Variants in THRB observed in about 807,000 individuals in gnomAD.
THRB encodes the protein thyroid hormone receptor beta.
THRB carries 12 observed loss-of-function variants against 47.8 expected under a neutral mutation model. The ratio of observed to expected loss-of-function variants is 0.25; its 90% CI spans 0.16 to 0.41. The LOEUF is 0.41. THRB is among the 10% of genes least tolerant of loss of function. The pLI is 1.00. For missense variants in THRB, 348 were observed against 589.2 expected, an observed-to-expected ratio of 0.59 and a Z score of 4.24; for synonymous variants, 218 against 212.2, an observed-to-expected ratio of 1.03 and a Z score of -0.24.
intron 1 of THRB, 75 bp downstream of exon 1, chr3:24,494,577 G>C (rs1043974982): frequency 1.3e-5 from 2 of 151,484 alleles, no homozygotes; most frequent in African/African-American, 4.9e-5. Context: ...GCACCCCTCC[G>C]GGTTCTTGCG....
chr3:24,166,871 A>C (rs1279640860), intron 5 of THRB, among the ~76,000 whole-genome samples: 2 of 152,112 alleles, frequency 1.3e-5, no homozygotes, highest in Non-Finnish European at 2.9e-5. Context: ...CATCAATTGC[A>C]ACGTGGAATT....
At chr3:24,276,903 T>G (rs2053974501) in intron 3 of THRB, among the ~76,000 whole-genome samples, 1 of 152,278 alleles carries the variant, frequency 6.6e-6, no homozygotes, top group South Asian at 2.1e-4. Flanking sequence ...ATATTTACTC[T>G]TGTCTTTTAT....
At chr3:24,333,022 T>G (rs1012449299) in intron 2 of THRB, among the ~76,000 whole-genome samples, 11 of 152,122 alleles carry the variant, frequency 7.2e-5, no homozygotes, top group African/African-American at 2.4e-4. Context: ...AGGCGGAGTT[T>G]GCAGTGAGCG....
At chr3:24,228,688 G>T (rs894486350) in intron 4 of THRB, among the ~76,000 whole-genome samples, 6 of 151,462 alleles carry the variant, frequency 4.0e-5, no homozygotes, top group Non-Finnish European at 5.9e-5. Context: ...AACTTAGTGT[G>T]CAATGGCTAA....
intron 1 of THRB, among the ~76,000 whole-genome samples, chr3:24,440,045 A>G (rs2071379943): frequency 6.6e-6 from 1 of 152,226 alleles, no homozygotes; most frequent in African/African-American, 2.4e-5. Context: ...ACTCTACTAT[A>G]TGATCCATTA....
At chr3:24,328,099 G>A (rs1247636030) in intron 2 of THRB, among the ~76,000 whole-genome samples, 1 of 152,024 alleles carries the variant, frequency 6.6e-6, no homozygotes, top group Non-Finnish European at 1.5e-5. Flanking sequence ...CCTCACTATT[G>A]GGGTTTCTAG....
At chr3:24,399,084 G>T (rs867457677) in intron 1 of THRB, among the ~76,000 whole-genome samples, 43 of 152,012 alleles carry the variant, frequency 2.8e-4, no homozygotes, top group African/African-American at 9.9e-4. Flanking sequence ...GTTGTGGGGT[G>T]GGGGGAGTGG....
At chr3:24,337,198 C>T (rs1476761695) in intron 2 of THRB, 102 bp downstream of exon 2, 1 of 152,124 alleles carries the variant, frequency 6.6e-6, no homozygotes, top group Non-Finnish European at 1.5e-5. Context: ...TAAATAACAA[C>T]AGCAGCAACA....
rs141731067 is a variant in THRB at position 24,190,196 on chromosome 3, G to A, written c.161C>T (p.Ser54Leu). The A allele has an allele frequency of 7.3e-5, 118 of 1,614,056 alleles. No homozygotes were observed. Among genetic ancestry groups the A allele is most frequent in the Middle Eastern group, 4.9e-4 (3 of 6,062 alleles). Residue 54 changes from serine (S) to leucine (L), a missense_variant, in exon 5 of 11, where the codon TCG becomes TTG. By Grantham distance (145) the Ser-to-Leu change is moderately radical (BLOSUM62 -2). Around this residue, in one of 5 missense-constraint regions of THRB, gnomAD observed 148 missense variants for 122.3 expected, o/e 1.21. Coordinates refer to ENST00000646209, the MANE Select transcript of THRB (RefSeq NM_001354712.2). ...AGTGGTCTGGATGAGATGTGGCGAC[G>A]ACTGTTCATTTTTCAACGTGCTGCG... is the stretch of plus-strand genomic sequence containing the variant. The part of the protein sequence containing the change: ...ERRSTLKNEQ[S>L]SPHLIQTTWT...
At chr3:24,399,428 G>A (rs2067230591) in intron 1 of THRB, among the ~76,000 whole-genome samples, 1 of 151,942 alleles carries the variant, frequency 6.6e-6, no homozygotes, top group Admixed American at 6.6e-5. Context: ...TGATTTATCT[G>A]GCCCAGAGCA....
chr3:24,180,142 AGTTTTATATCT>A (rs1404655209), intron 5 of THRB, among the ~76,000 whole-genome samples: 16 of 151,908 alleles, frequency 1.1e-4, no homozygotes, highest in African/African-American at 3.9e-4. Flanking sequence ...TTTGACCTTT[AGTTTTATATCT>A]TAGTCTTATT....
At chr3:24,432,590 T>C (rs1423542652) in intron 1 of THRB, among the ~76,000 whole-genome samples, 13 of 152,132 alleles carry the variant, frequency 8.5e-5, no homozygotes, top group Admixed American at 8.5e-4. Flanking sequence ...CACTGGGGTG[T>C]TGAAAATCCA....
intron 5 of THRB, among the ~76,000 whole-genome samples, chr3:24,183,943 G>T (rs77817315): frequency 1.3e-5 from 2 of 152,078 alleles, no homozygotes; most frequent in Non-Finnish European, 1.5e-5. Flanking sequence ...ATACGTTCTT[G>T]TAAAGATTTT....
rs532630365 is a variant in THRB, at chr3:24,190,070, T to G, written c.283+4A>C. On this transcript the variant is annotated splice_donor_region_variant and intron_variant, in intron 5 of 10. Coordinates refer to ENST00000646209, the MANE Select transcript of THRB (RefSeq NM_001354712.2). ...TGATAATGGGCTAATAAAAATCTGG[T>G]TACCTTTACATTTCTTCTCCTCCGT... is the stretch of plus-strand genomic sequence containing the variant. The G allele has an allele frequency of 1.2e-6, 2 of 1,613,986 alleles. No homozygotes were observed. The highest frequency in any genetic ancestry group is 2.2e-5 in the South Asian group (2 of 91,074).
At chr3:24,425,541 A>G (rs2069674189) in intron 1 of THRB, among the ~76,000 whole-genome samples, 1 of 151,992 alleles carries the variant, frequency 6.6e-6, no homozygotes, top group South Asian at 2.1e-4. Flanking sequence ...ATTGAGTAAT[A>G]TCAGAATGAG....
Position 24,429,725 on chromosome 3 carries a change from C to A in THRB, c.-261+64927G>T, listed in dbSNP as rs114123953. ...GCCTTACTATGTTGCCCAGGCTGAT[C>A]TTAAACTCCTGGCCTCAAAGTGATC... On this transcript the variant is annotated intron_variant, in intron 1 of 10. Transcript: ENST00000646209. Among the ~76,000 whole-genome samples the A allele has an allele frequency of 4.5e-3, 680 of 152,086 alleles. 7 individuals carry two copies. The highest frequency in any genetic ancestry group is 0.016 in the African/African-American group (660 of 41,498).
intron 4 of THRB, among the ~76,000 whole-genome samples, chr3:24,217,555 C>CAA (rs67221503): frequency 3.2e-4 from 40 of 126,592 alleles, no homozygotes; most frequent in East Asian, 8.7e-4. Context: ...AGGATCTTGG[C>CAA]AAAAAAAAAA....
intron 1 of THRB, among the ~76,000 whole-genome samples, chr3:24,406,254 T>G (rs1231787926): frequency 6.6e-6 from 1 of 151,740 alleles, no homozygotes; most frequent in East Asian, 1.9e-4. Context: ...TATAGAGAAT[T>G]TTATAATTAA....
At chr3:24,241,469 C>A (rs192956900) in intron 3 of THRB, among the ~76,000 whole-genome samples, 1 of 152,316 alleles carries the variant, frequency 6.6e-6, no homozygotes, top group Admixed American at 6.5e-5. Flanking sequence ...GTATGTCTTA[C>A]TGTATTATGT....
Sources: allele counts gnomAD v4.1 joint callset (sites outside exome capture counted in the v4.1 genomes callset), GRCh38; gene constraint gnomAD v4.1.1; regional missense constraint gnomAD v4.1.1; transcripts MANE v1.5; gene names NCBI Gene and HGNC (gene_info 2026-07-23, HGNC 2026-07-21).